Variants in PTPRA observed in about 807,000 individuals in gnomAD.
PTPRA encodes the protein protein tyrosine phosphatase receptor type A, also known as receptor-type tyrosine-protein phosphatase alpha.
PTPRA carries 25 observed loss-of-function variants against 104.8 expected under a neutral mutation model. That is an observed-to-expected ratio of 0.24 (90% CI 0.17 to 0.33). The LOEUF is 0.33. PTPRA is among the 10% of genes least tolerant of loss of function. PTPRA has a pLI of 1.00. For missense variants in PTPRA, 765 were observed against 1,015.3 expected (o/e 0.75, Z 3.35); for synonymous variants, 323 against 368.9 (o/e 0.88, Z 1.43).
At chr20:3,017,083 T>G (rs763492843) in intron 12 of PTPRA, among the ~76,000 whole-genome samples, 4 of 152,350 alleles carry the variant, frequency 2.6e-5, no homozygotes, top group Admixed American at 2.6e-4. Context: ...GTGTTTTTTA[T>G]ATACCTACTA....
In PTPRA at chr20:3,022,859, T is replaced by C. The variant is rs771192609; in HGVS notation, c.1464+35T>C. The stretch of plus-strand genomic sequence containing the variant: ...CTGTGGGTCAGGTGAGGGTGGGGGG[T>C]TCCAGGACTAAAACATCTGCCCACA... On this transcript the variant is annotated intron_variant, in intron 16 of 23. Transcript: ENST00000399903. This position sits in a 1 kb window ranked among gnomAD's most constrained non-coding sequence, Gnocchi z 4.6. 1.5e-5 allele frequency: 24 copies of C among 1,611,836 alleles called. No individual in the cohort carries two copies. The South Asian group carries it at 2.5e-4, about 17-fold the overall frequency.
chr20:2,910,944 T>C lies in PTPRA; in HGVS notation c.-128-12263T>C, dbSNP rs769103485. ...ACTTTTTTTTTTTTTTTTGTAGAGA[T>C]GTGGTCTCACTGTGTTGCCCAGGCT... On this transcript the variant is annotated intron_variant, in intron 1 of 23. Transcript: ENST00000399903. Among the ~76,000 whole-genome samples, 557 of 139,908 alleles carry C rather than the reference T, an allele frequency of 4.0e-3. 6 individuals are homozygous for C. Among genetic ancestry groups the C allele is most frequent in the Non-Finnish European group, 3.7e-3 (239 of 65,082 alleles). The allele number at this position is 139,908 out of a possible 152,430, so 91.8% of individuals were successfully genotyped here.
At chr20:3,031,565 TC>T (rs1179120623) in intron 20 of PTPRA, among the ~76,000 whole-genome samples, 3 of 152,270 alleles carry the variant, frequency 2.0e-5, no homozygotes, top group East Asian at 3.9e-4. Context: ...AGCCACCTGA[TC>T]CCATGGTCAA....
At chr20:2,923,855 C>T (rs1291989585) in intron 2 of PTPRA, among the ~76,000 whole-genome samples, 1 of 152,100 alleles carries the variant, frequency 6.6e-6, no homozygotes, top group Non-Finnish European at 1.5e-5. Flanking sequence ...TGAATTAAAG[C>T]TTCTTGAGTA....
At chr20:3,033,211 A>T (rs1307332238) in intron 20 of PTPRA, among the ~76,000 whole-genome samples, 4 of 151,572 alleles carry the variant, frequency 2.6e-5, no homozygotes, top group African/African-American at 9.7e-5. Context: ...CCCCTTCCCA[A>T]TGTGGGCTCC....
At chr20:2,986,744 G>A in intron 6 of PTPRA, 21 bp from the exon 7 acceptor site, 2 of 1,588,778 alleles carry the variant, frequency 1.3e-6, no homozygotes, top group Non-Finnish European at 1.7e-6. Flanking sequence ...GTAATGACTT[G>A]TTCTGTTGTC....
chr20:3,007,754 C>T (rs2063940398), intron 11 of PTPRA, among the ~76,000 whole-genome samples: 1 of 151,826 alleles, frequency 6.6e-6, no homozygotes, highest in South Asian at 2.1e-4. Context: ...TAAGGGAGAA[C>T]AGGACAAGAA....
At chr20:2,875,328 A>G (rs2089648472) in intron 1 of PTPRA, among the ~76,000 whole-genome samples, 1 of 152,206 alleles carries the variant, frequency 6.6e-6, no homozygotes, top group African/African-American at 2.4e-5. Context: ...CTGAAAGACT[A>G]AAAGCCCTTC....
chr20:2,890,089 G>A (rs2058739140), intron 1 of PTPRA, among the ~76,000 whole-genome samples: 1 of 149,202 alleles, frequency 6.7e-6, no homozygotes, highest in Non-Finnish European at 1.5e-5. Context: ...GTAGAGATGA[G>A]GCCTCACTAT....
chr20:2,892,102 C>T (rs553946994), intron 1 of PTPRA, among the ~76,000 whole-genome samples: 121 of 151,872 alleles, frequency 8.0e-4, no homozygotes, highest in African/African-American at 2.8e-3. Flanking sequence ...CCAGCCTGGC[C>T]AATATGGTGA....
At chr20:3,028,084 A>G (rs1264870028) in intron 20 of PTPRA, among the ~76,000 whole-genome samples, 1 of 152,170 alleles carries the variant, frequency 6.6e-6, no homozygotes, top group Admixed American at 6.5e-5. Flanking sequence ...TAGAAAAGCA[A>G]TGTGATCTGA....
intron 1 of PTPRA, among the ~76,000 whole-genome samples, chr20:2,892,289 CAAAAAAAAAAA>C (rs34741114): frequency 2.5e-5 from 2 of 80,572 alleles, no homozygotes; most frequent in Non-Finnish European, 4.9e-5. Flanking sequence ...GACTCTGTCT[CAAAAAAAAAAA>C]AAAAAAAAAA....
intron 9 of PTPRA, among the ~76,000 whole-genome samples, chr20:2,998,939 A>G (rs199617174): frequency 9.6e-6 from 1 of 104,302 alleles, no homozygotes; most frequent in Non-Finnish European, 1.9e-5. Context: ...TTTATTATAT[A>G]TGACATATTT....
chr20:2,976,618 A>G (rs576916053), intron 6 of PTPRA, among the ~76,000 whole-genome samples: 1 of 152,322 alleles, frequency 6.6e-6, no homozygotes, highest in Non-Finnish European at 1.5e-5. Context: ...CAAACAGGAA[A>G]CTGAAAAGGC....
upstream of PTPRA, among the ~76,000 whole-genome samples, chr20:2,869,663 T>G (rs185102612): frequency 7.6e-4 from 115 of 152,316 alleles, no homozygotes; most frequent in African/African-American, 2.7e-3. Flanking sequence ...TGGTAGCCAG[T>G]GCAGGGAGAA....
chr20:2,869,328 A>AT (rs11475893), upstream of PTPRA, among the ~76,000 whole-genome samples: 1,501 of 151,070 alleles, frequency 9.9e-3, 25 homozygotes, highest in African/African-American at 0.034. Flanking sequence ...TTGGTTTGCA[A>AT]TTTTTTTTTT....
chr20:2,920,179 C>A (rs760782793), intron 1 of PTPRA, among the ~76,000 whole-genome samples: 6 of 152,168 alleles, frequency 3.9e-5, no homozygotes, highest in Non-Finnish European at 5.9e-5. Context: ...GAGAAGATAA[C>A]ATTTCTGTGA....
chr20:2,866,856 A>G, the PTPRA span: 1 of 411,502 alleles, frequency 2.4e-6, no homozygotes, highest in South Asian at 4.1e-5. Flanking sequence ...TTCTCCAGCC[A>G]TACTCGCAAG....
intron 2 of PTPRA, among the ~76,000 whole-genome samples, chr20:2,930,194 G>T (rs768552583): frequency 1.6e-4 from 25 of 152,178 alleles, no homozygotes; most frequent in Non-Finnish European, 3.1e-4. Context: ...AAATTATTAT[G>T]CATTTCGTTG....
Sources: gnomAD v4.1 joint callset for allele counts (sites outside exome capture counted in the v4.1 genomes callset) on GRCh38, gnomAD v4.1.1 for gene constraint, Gnocchi (gnomAD v3.1) non-coding constraint, MANE v1.5 for transcripts, NCBI Gene and HGNC (gene_info 2026-07-23, HGNC 2026-07-21) for gene names.